Variants in ST8SIA1 observed in about 807,000 individuals in gnomAD.
ST8SIA1 encodes alpha-N-acetylneuraminide alpha-2,8-sialyltransferase.
In ST8SIA1, 16 loss-of-function variants were observed where a neutral mutation model predicts 35.9. The observed-to-expected ratio is 0.45, with a 90% CI of 0.30 to 0.68. The LOEUF is 0.68. Among genes scored for constraint, ST8SIA1 ranks in the 30% least tolerant of loss-of-function variants. The probability of loss-of-function intolerance (pLI) is 0.09; values close to 1 mark genes in which losing one functional copy is unlikely to be tolerated. For synonymous variants in ST8SIA1, 170 were observed against 169.6 expected (o/e 1.00, Z -0.02); for missense variants, 383 against 453.6 (o/e 0.84, Z 1.41).
intron 1 of ST8SIA1, among the ~76,000 whole-genome samples, chr12:22,296,459 T>C (rs923010067): frequency 6.6e-6 from 1 of 152,164 alleles, no homozygotes; most frequent in Admixed American, 6.6e-5. Context: ...ACCAGCCCCG[T>C]CAAGCCCACC....
chr12:22,298,767 C>T (rs1591848553), intron 1 of ST8SIA1, among the ~76,000 whole-genome samples: 1 of 152,326 alleles, frequency 6.6e-6, no homozygotes, highest in East Asian at 1.9e-4. Context: ...CATTATCCCT[C>T]AACTTGTTGC....
intron 1 of ST8SIA1, among the ~76,000 whole-genome samples, chr12:22,311,355 G>A (rs979845533): frequency 4.6e-5 from 7 of 152,098 alleles, no homozygotes; most frequent in African/African-American, 1.7e-4. Flanking sequence ...AGCAGGTAGA[G>A]GGGGATAGAA....
intron 4 of ST8SIA1, among the ~76,000 whole-genome samples, chr12:22,219,562 G>C (rs1865273957): frequency 6.6e-6 from 1 of 152,130 alleles, no homozygotes; most frequent in Admixed American, 6.6e-5. Flanking sequence ...CTTTGGTTAG[G>C]TGACCCGGCA....
At chr12:22,229,615 C>CAAAAAAAAAAAAAAAAAAAAAAAAATA (rs11290260) in intron 4 of ST8SIA1, among the ~76,000 whole-genome samples, 1 of 93,746 alleles carries the variant, frequency 1.1e-5, no homozygotes, top group Non-Finnish European at 2.2e-5. Flanking sequence ...GACCGGGTTT[C>CAAAAAAAAAAAAAAAAAAAAAAAAATA]AAAAAAAAAA....
At chr12:22,229,050 T>C (rs1370256986) in intron 4 of ST8SIA1, among the ~76,000 whole-genome samples, 2 of 72,750 alleles carry the variant, frequency 2.7e-5, no homozygotes, top group South Asian at 8.1e-4. Context: ...CAAGACTCCA[T>C]CTCCAAAAAA....
intron 3 of ST8SIA1, among the ~76,000 whole-genome samples, chr12:22,252,623 A>G (rs1865685447): frequency 6.6e-6 from 1 of 152,230 alleles, no homozygotes; most frequent in Non-Finnish European, 1.5e-5. Flanking sequence ...CCCATATTTT[A>G]GAAACATTAT....
intron 1 of ST8SIA1, among the ~76,000 whole-genome samples, chr12:22,327,490 C>T (rs943622569): frequency 2.0e-5 from 3 of 152,144 alleles, no homozygotes; most frequent in South Asian, 2.1e-4. Context: ...AAATGCCCCA[C>T]GCAGGCAGGC....
At chr12:22,206,556 G>C (rs556302666) in intron 4 of ST8SIA1, among the ~76,000 whole-genome samples, 1 of 152,138 alleles carries the variant, frequency 6.6e-6, no homozygotes, top group Admixed American at 6.6e-5. Context: ...TGGAATTCTC[G>C]ACTCATACAA....
chr12:22,307,581 G>T (rs1866401200), intron 1 of ST8SIA1, among the ~76,000 whole-genome samples: 1 of 152,098 alleles, frequency 6.6e-6, no homozygotes, highest in South Asian at 2.1e-4. Context: ...CATCTTCCTG[G>T]TTTTAGTGAC....
At chr12:22,321,001 AAG>A (rs879796446) in intron 1 of ST8SIA1, among the ~76,000 whole-genome samples, 2,190 of 88,922 alleles carry the variant, frequency 0.025, 44 homozygotes, top group Middle Eastern at 0.057. Flanking sequence ...GAAAGAAAGA[AAG>A]AAGAAAGAAA....
chr12:22,287,241 T>A lies in ST8SIA1; in HGVS notation c.289A>T (p.Met97Leu). 6.2e-7 allele frequency: 1 copy of A among 1,614,134 alleles called. No homozygotes were observed. Among genetic ancestry groups the A allele is most frequent in the East Asian group, 2.2e-5 (1 of 44,872 alleles). ...DPAHLFAMTK[M>L]NSPMGKSMWY... ...ATGCTCTTCCCCATAGGGGAATTCATTTTAGTCATAGCAAAGAGATGGGCA... is the reference window on the plus strand; with the variant it reads ...ATGCTCTTCCCCATAGGGGAATTCAATTTAGTCATAGCAAAGAGATGGGCA... The change falls in exon 2 of 5, where the codon ATG (methionine) becomes TTG (leucine). Residue 97 changes from methionine to leucine, a missense_variant. Transcript: ENST00000396037.
At position 22,334,109 on chromosome 12, in the gene ST8SIA1, AACAGAGGACCACGAC is replaced by A. The variant is rs1866812115; in HGVS notation, c.109_123del (p.Val37_Cys41del). The A allele has an allele frequency of 6.2e-7, 1 of 1,613,906 alleles. No homozygotes were observed. The highest frequency in any genetic ancestry group is 1.7e-5 in the Admixed American group (1 of 59,988). ...CGGTAGACGGGGAAGATGTAGAGCC[AACAGAGGACCACGAC>A]ACAGAGGGCACTGGCTCCCATGGGC... On this transcript the variant is annotated inframe_deletion, in exon 1 of 5. Transcript: ENST00000396037.
At chr12:22,204,889 A>T (rs1865089439) in intron 4 of ST8SIA1, among the ~76,000 whole-genome samples, 1 of 152,172 alleles carries the variant, frequency 6.6e-6, no homozygotes, top group Admixed American at 6.6e-5. Context: ...ATTTTATTAC[A>T]TTATTACAAA....
chr12:22,223,758 G>C (rs933793675), intron 4 of ST8SIA1: 2 of 1,251,246 alleles, frequency 1.6e-6, no homozygotes, highest in African/African-American at 3.1e-5. Flanking sequence ...TCACCCTCTC[G>C]ACAGCTGTAA....
intron 1 of ST8SIA1, among the ~76,000 whole-genome samples, chr12:22,320,496 T>C (rs1042510862): frequency 6.6e-6 from 1 of 152,100 alleles, no homozygotes; most frequent in Admixed American, 6.6e-5. Flanking sequence ...AGACAAGGGC[T>C]TTCCCTCCCT....
At chr12:22,292,512 C>T (rs1178024165) in intron 1 of ST8SIA1, among the ~76,000 whole-genome samples, 2 of 151,980 alleles carry the variant, frequency 1.3e-5, no homozygotes, top group Admixed American at 6.6e-5. Context: ...AGATGCTCAT[C>T]AACAGTGGAT....
At position 22,212,203 on chromosome 12, in the gene ST8SIA1, A is replaced by G. The variant is rs559552445; in HGVS notation, c.585-10165T>C. On this transcript the variant is annotated intron_variant, in intron 4 of 4. Transcript: ENST00000396037. ...TAAAAGTCCACTTCTTTTACACACA[A>G]TATTTGTTCTACTTTTTCTCTGTAT... Among the ~76,000 whole-genome samples, 9 of 152,344 alleles carry G rather than the reference A, an allele frequency of 5.9e-5. No individual in the cohort carries two copies. The South Asian group carries it at 1.9e-3, about 32-fold the overall frequency.
chr12:22,280,556 A>T (rs1866020537), intron 2 of ST8SIA1, among the ~76,000 whole-genome samples: 1 of 150,222 alleles, frequency 6.7e-6, no homozygotes, highest in South Asian at 2.1e-4. Context: ...CAAGTAATTT[A>T]GAAAGATCTA....
intron 1 of ST8SIA1, among the ~76,000 whole-genome samples, chr12:22,288,447 A>T (rs949475315): frequency 1.6e-4 from 24 of 152,166 alleles, no homozygotes; most frequent in African/African-American, 5.8e-4. Flanking sequence ...AAAGTTCAAT[A>T]CGTGGTAGGT....
Sources: gnomAD v4.1 joint callset for allele counts (sites outside exome capture counted in the v4.1 genomes callset) on GRCh38, gnomAD v4.1.1 for gene constraint, MANE v1.5 for transcripts, NCBI Gene and HGNC (gene_info 2026-07-23, HGNC 2026-07-21) for gene names.